Variants in ZNF782 observed in about 807,000 individuals in gnomAD.
ZNF782 encodes the protein zinc finger protein 782.
In ZNF782, 12 loss-of-function variants were observed where a neutral mutation model predicts 13.0. The observed-to-expected ratio is 0.92, with a 90% CI of 0.59 to 1.50. The LOEUF (loss-of-function observed/expected upper bound fraction) is 1.50. ZNF782 is among the 40% of genes most tolerant of loss of function. ZNF782 has a pLI of 0.00. For synonymous variants in ZNF782, 284 were observed against 283.0 expected (o/e 1.00, Z -0.04); for missense variants, 770 against 822.9 (o/e 0.94, Z 0.79).
At position 96,817,890 on chromosome 9, in the gene ZNF782, CAG is replaced by C. The variant is rs765508490; in HGVS notation, c.*31_*32del. ...GTATTGTGAGGTTTGATTTCCAGCT[CAG>C]AGTTTTTTCGTATTCTTTATATGCA... On this transcript the variant is annotated 3_prime_UTR_variant, in exon 6 of 6. Coordinates refer to ENST00000481138, the MANE Select transcript of ZNF782 (RefSeq NM_001001662.3). 4 of 1,514,258 alleles carry C rather than the reference CAG, an allele frequency of 2.6e-6. No homozygotes were observed. The highest frequency in any genetic ancestry group is 2.6e-6 in the Non-Finnish European group (3 of 1,133,750). The allele number at this position is 1,514,258 out of a possible 1,614,324, so 93.8% of individuals were successfully genotyped here. A position where few individuals can be genotyped will look rare whatever the true frequency, so the allele number is the denominator to read the frequency against.
rs146627776 is a variant in ZNF782 at position 96,831,185 on chromosome 9, T to C, written c.143-4004A>G. Among the ~76,000 whole-genome samples the C allele has an allele frequency of 8.9e-4, 135 of 152,218 alleles. 1 individual carries two copies. Among genetic ancestry groups the C allele is most frequent in the African/African-American group, 3.0e-3 (124 of 41,530 alleles). On this transcript the variant is annotated intron_variant, in intron 4 of 5. Transcript: ENST00000481138. ...TTAGTGACTGCCATGAGTTAAGGGA[T>C]AGTAAAAGGAGTTGGGCTGACTTTA... is the stretch of plus-strand genomic sequence containing the variant.
At position 96,840,545 on chromosome 9, in the gene ZNF782, T is replaced by C. The variant is rs183457984; in HGVS notation, c.142+4345A>G. 2.4e-3 allele frequency among the ~76,000 whole-genome samples: 372 copies of C among 152,130 alleles called. 3 individuals are homozygous for C. Among genetic ancestry groups the C allele is most frequent in the African/African-American group, 8.4e-3 (351 of 41,566 alleles). On this transcript the variant is annotated intron_variant, in intron 4 of 5. Transcript: ENST00000481138. ...CTCAGAAACTCTTCAAATCACCCTATGAAAATTAAGGCTGTGCTATTGAAT... is the reference window on the plus strand; with the variant it reads ...CTCAGAAACTCTTCAAATCACCCTACGAAAATTAAGGCTGTGCTATTGAAT...
the ZNF782 span, among the ~76,000 whole-genome samples, chr9:96,929,416 G>A: frequency 6.6e-6 from 1 of 151,592 alleles, no homozygotes; most frequent in Non-Finnish European, 1.5e-5. Context: ...TCAGGCACCT[G>A]GAAGGTGCCC....
chr9:96,840,640 A>G (rs1851158421), intron 4 of ZNF782, among the ~76,000 whole-genome samples: 1 of 152,018 alleles, frequency 6.6e-6, no homozygotes, highest in Non-Finnish European at 1.5e-5. Context: ...TTTTAATTGC[A>G]TTTCTTCATA....
At chr9:96,837,991 G>A (rs1301815534) in intron 4 of ZNF782, among the ~76,000 whole-genome samples, 1 of 152,132 alleles carries the variant, frequency 6.6e-6, no homozygotes, top group Non-Finnish European at 1.5e-5. Flanking sequence ...CTTTCAAAGT[G>A]TTGGGATTAT....
At chr9:96,825,037 C>T (rs928445760) in intron 5 of ZNF782, among the ~76,000 whole-genome samples, 1 of 150,740 alleles carries the variant, frequency 6.6e-6, no homozygotes, top group Non-Finnish European at 1.5e-5. Flanking sequence ...ACTTTCTTCA[C>T]AGAATTGGAA....
intron 1 of ZNF782, among the ~76,000 whole-genome samples, chr9:96,866,972 A>C (rs886760879): frequency 6.6e-6 from 1 of 152,224 alleles, no homozygotes; most frequent in African/African-American, 2.4e-5. Flanking sequence ...CTAGGAAGTA[A>C]CTAATTTGCT....
chr9:96,847,486 A>G (rs1851374412), intron 3 of ZNF782, among the ~76,000 whole-genome samples: 2 of 152,234 alleles, frequency 1.3e-5, no homozygotes, highest in Admixed American at 1.3e-4. Flanking sequence ...TGGAAACATT[A>G]CAACCGACAC....
intron 4 of ZNF782, among the ~76,000 whole-genome samples, chr9:96,844,247 T>C (rs7037100): frequency 0.21 from 32,076 of 152,096 alleles, 8,529 homozygotes; most frequent in African/African-American, 0.62. Flanking sequence ...TAGGTACTTA[T>C]ACAAGAGAAA....
chr9:96,854,069 T>A lies in ZNF782; in HGVS notation c.-262+19A>T, dbSNP rs1851585671. The stretch of plus-strand genomic sequence containing the variant: ...CCCTACATTCGCCTCGGCTTCCAGT[T>A]GACAGAGATGGAACTTACCCGGGTT... On this transcript the variant is annotated intron_variant, in intron 1 of 5. Transcript: ENST00000481138. 1 of 152,254 alleles carries A rather than the reference T, an allele frequency of 6.6e-6. No individual in the cohort carries two copies. Among genetic ancestry groups the A allele is most frequent in the Non-Finnish European group, 1.5e-5 (1 of 68,058 alleles). The allele number at this position is 152,254 out of a possible 1,614,324, so 9.4% of individuals were successfully genotyped here. A position where few individuals can be genotyped will look rare whatever the true frequency, so the allele number is the denominator to read the frequency against.
At chr9:96,833,505 G>A (rs899113712) in intron 4 of ZNF782, among the ~76,000 whole-genome samples, 8 of 152,170 alleles carry the variant, frequency 5.3e-5, no homozygotes, top group African/African-American at 1.9e-4. Context: ...CTAAAGTGGG[G>A]TTATGTATTC....
chr9:96,920,428 G>A, the ZNF782 span, among the ~76,000 whole-genome samples: 5 of 149,072 alleles, frequency 3.4e-5, no homozygotes, highest in East Asian at 2.1e-4. Flanking sequence ...CACCATGCCC[G>A]GCTAATTTTT....
the ZNF782 span, among the ~76,000 whole-genome samples, chr9:96,922,236 G>A: frequency 1.3e-5 from 2 of 151,664 alleles, no homozygotes; most frequent in African/African-American, 4.9e-5. Context: ...ATCATTTTGT[G>A]GAGGAGGATG....
At chr9:96,868,052 C>T (rs1393502207) in intron 1 of ZNF782, among the ~76,000 whole-genome samples, 1 of 152,122 alleles carries the variant, frequency 6.6e-6, no homozygotes, top group East Asian at 1.9e-4. Flanking sequence ...AAATTCTAAC[C>T]TCGATGTTTT....
chr9:96,839,659 C>T (rs1235859785), intron 4 of ZNF782, among the ~76,000 whole-genome samples: 1 of 150,994 alleles, frequency 6.6e-6, no homozygotes, highest in Non-Finnish European at 1.5e-5. Flanking sequence ...TCTAATCACT[C>T]ACCCCCCCCA....
chr9:96,884,553 C>T, the ZNF782 span, among the ~76,000 whole-genome samples: 1 of 151,920 alleles, frequency 6.6e-6, no homozygotes, highest in Admixed American at 6.6e-5. Flanking sequence ...TCCTACCTTC[C>T]CTCCCACCCC....
At chr9:96,911,029 C>A in the ZNF782 span, among the ~76,000 whole-genome samples, 2 of 148,226 alleles carry the variant, frequency 1.3e-5, no homozygotes, top group Non-Finnish European at 3.0e-5. Flanking sequence ...GGGTCAGCCA[C>A]CTTTAATGAT....
the ZNF782 span, among the ~76,000 whole-genome samples, chr9:96,881,646 C>G: frequency 1.3e-5 from 2 of 151,964 alleles, no homozygotes; most frequent in Non-Finnish European, 2.9e-5. Context: ...TCTAATTGTT[C>G]CATCATTATT....
At chr9:96,900,537 C>T in the ZNF782 span, among the ~76,000 whole-genome samples, 6 of 151,944 alleles carry the variant, frequency 3.9e-5, no homozygotes, top group African/African-American at 4.8e-5. Context: ...GTCAGGAGTT[C>T]GAGACCAGCC....
Sources: allele counts gnomAD v4.1 joint callset (sites outside exome capture counted in the v4.1 genomes callset), GRCh38; gene constraint gnomAD v4.1.1; transcripts MANE v1.5; gene names NCBI Gene and HGNC (gene_info 2026-07-23, HGNC 2026-07-21).